The following TTLL11 variants were observed in gnomAD, a reference collection of about 807,000 sequenced individuals.
TTLL11 encodes tubulin polyglutamylase TTLL11.
TTLL11 carries 42 observed loss-of-function variants against 51.7 expected under a neutral mutation model. The observed-to-expected ratio is 0.81, with a 90% CI of 0.64 to 1.05. The LOEUF (loss-of-function observed/expected upper bound fraction) is 1.05. Ranked by LOEUF, TTLL11 falls within the 50% of genes least tolerant of loss-of-function variation. TTLL11 has a pLI of 0.00. For synonymous variants in TTLL11, 381 were observed against 383.5 expected, an observed-to-expected ratio of 0.99 and a Z score of 0.08; for missense variants, 799 against 940.4, an observed-to-expected ratio of 0.85 and a Z score of 1.97.
At position 122,092,161 on chromosome 9, in the gene TTLL11, C is replaced by A. The variant is rs574015526; in HGVS notation, c.462+526G>T. 3.9e-5 allele frequency among the ~76,000 whole-genome samples: 6 copies of A among 152,308 alleles called. No individual in the cohort carries two copies. The East Asian group carries it at 1.2e-3, about 29-fold the overall frequency. The stretch of plus-strand genomic sequence containing the variant: ...GATGAGATAAGTATAATTGGCCTCA[C>A]TTTACAGAGAAGGTAATAGGCTGAA... On this transcript the variant is annotated intron_variant, in intron 1 of 8. Transcript: ENST00000321582.
At chr9:121,892,045 A>AT (rs1169589117) in intron 6 of TTLL11, among the ~76,000 whole-genome samples, 4 of 100,420 alleles carry the variant, frequency 4.0e-5, no homozygotes, top group East Asian at 6.0e-4. Flanking sequence ...ATAAATATAT[A>AT]TTAAAAAATA....
intron 6 of TTLL11, among the ~76,000 whole-genome samples, chr9:121,934,457 A>C (rs1202886693): frequency 6.6e-6 from 1 of 152,210 alleles, no homozygotes; most frequent in Non-Finnish European, 1.5e-5. Flanking sequence ...AATATCGTGA[A>C]GCTGTCAAGC....
At chr9:121,844,210 A>C (rs529691065) in intron 8 of TTLL11, among the ~76,000 whole-genome samples, 1 of 152,302 alleles carries the variant, frequency 6.6e-6, no homozygotes, top group South Asian at 2.1e-4. Flanking sequence ...CTCCAGTGCA[A>C]TAACAGTGGA....
intron 3 of TTLL11, among the ~76,000 whole-genome samples, chr9:122,030,719 C>T (rs1313433938): frequency 6.1e-5 from 9 of 146,650 alleles, no homozygotes; most frequent in Non-Finnish European, 1.3e-4. Context: ...GTCAGGAGAT[C>T]GAGACCAGCC....
chr9:121,864,649 G>A (rs552451863), intron 7 of TTLL11, among the ~76,000 whole-genome samples: 1 of 152,314 alleles, frequency 6.6e-6, no homozygotes, highest in African/African-American at 2.4e-5. Flanking sequence ...ATGGGGAAGT[G>A]GCAAATGGCA....
intron 1 of TTLL11, among the ~76,000 whole-genome samples, chr9:122,069,517 AC>A (rs1845675388): frequency 1.3e-5 from 2 of 152,174 alleles, no homozygotes; most frequent in Admixed American, 1.3e-4. Flanking sequence ...ACCTCGTCCT[AC>A]TAAAAATACA....
At chr9:122,031,922 T>A in intron 2 of TTLL11, 66 bp from the exon 3 acceptor site, 1 of 1,549,348 alleles carries the variant, frequency 6.5e-7, no homozygotes, top group African/African-American at 1.4e-5. Flanking sequence ...CAGCCATTAT[T>A]TGGGACTTTT....
intron 8 of TTLL11, among the ~76,000 whole-genome samples, chr9:121,826,217 T>TATACACACATAC (rs1491163835): frequency 1.7e-5 from 1 of 58,114 alleles, no homozygotes; most frequent in African/African-American, 7.4e-5. Flanking sequence ...TATATATATA[T>TATACACACATAC]GCACACATAT....
intron 6 of TTLL11, among the ~76,000 whole-genome samples, chr9:121,914,026 G>A (rs566500400): frequency 2.1e-4 from 32 of 152,218 alleles, no homozygotes; most frequent in African/African-American, 6.3e-4. Context: ...CTTTCCACTC[G>A]GAGAAACTAA....
At chr9:121,942,276 G>A (rs997375050) in intron 6 of TTLL11, among the ~76,000 whole-genome samples, 2 of 152,152 alleles carry the variant, frequency 1.3e-5, no homozygotes, top group East Asian at 3.8e-4. Context: ...TCAGCTCCTT[G>A]CATGTCCTCT....
intron 1 of TTLL11, 88 bp downstream of exon 1, chr9:122,092,599 G>A: frequency 1.3e-6 from 2 of 1,497,956 alleles, no homozygotes; most frequent in East Asian, 2.5e-5. Flanking sequence ...GCCCTCGCCC[G>A]CCGACCTGAC....
At chr9:122,079,721 A>G (rs1164127027) in intron 1 of TTLL11, among the ~76,000 whole-genome samples, 1 of 152,018 alleles carries the variant, frequency 6.6e-6, no homozygotes, top group Non-Finnish European at 1.5e-5. Context: ...AAAAAAAAAA[A>G]GAAATCACCT....
At chr9:122,043,197 T>C (rs78840032) in intron 1 of TTLL11, among the ~76,000 whole-genome samples, 5,623 of 152,210 alleles carry the variant, frequency 0.037, 151 homozygotes, top group Non-Finnish European at 0.057. Flanking sequence ...GGAAAATCTC[T>C]GCACCATATG....
At chr9:121,922,386 C>T (rs1840576480) in intron 6 of TTLL11, among the ~76,000 whole-genome samples, 1 of 152,114 alleles carries the variant, frequency 6.6e-6, no homozygotes, top group African/African-American at 2.4e-5. Flanking sequence ...TTTAATGTTG[C>T]ATTTCTCATT....
chr9:122,066,348 G>A (rs550897504), intron 1 of TTLL11, among the ~76,000 whole-genome samples: 2 of 152,194 alleles, frequency 1.3e-5, no homozygotes, highest in Non-Finnish European at 2.9e-5. Context: ...CACAAGAAGA[G>A]AAGTTTAATC....
At chr9:121,912,279 G>T (rs1840154542) in intron 6 of TTLL11, among the ~76,000 whole-genome samples, 1 of 152,194 alleles carries the variant, frequency 6.6e-6, no homozygotes, top group Non-Finnish European at 1.5e-5. Context: ...TGTGGTGCCT[G>T]CCAGGCCTCT....
At chr9:121,951,788 G>A (rs900784729) in intron 6 of TTLL11, among the ~76,000 whole-genome samples, 21 of 152,124 alleles carry the variant, frequency 1.4e-4, no homozygotes, top group Admixed American at 5.2e-4. Context: ...ATAAAAGAAC[G>A]GCTACTCCAT....
At chr9:121,859,022 T>A (rs1015372214) in intron 8 of TTLL11, among the ~76,000 whole-genome samples, 2 of 152,262 alleles carry the variant, frequency 1.3e-5, no homozygotes, top group African/African-American at 4.8e-5. Flanking sequence ...GGCTCACAGT[T>A]CCTGTGTGAT....
chr9:121,897,648 G>A (rs868157123), intron 6 of TTLL11, among the ~76,000 whole-genome samples: 5 of 57,570 alleles, frequency 8.7e-5, no homozygotes, highest in East Asian at 1.4e-3. Flanking sequence ...ACACGCGCGC[G>A]CGAAGTCTCC....
Sources: gnomAD v4.1 joint callset for allele counts (sites outside exome capture counted in the v4.1 genomes callset) on GRCh38, gnomAD v4.1.1 for gene constraint, MANE v1.5 for transcripts, NCBI Gene and HGNC (gene_info 2026-07-23, HGNC 2026-07-21) for gene names.